Variants in DGKB observed in about 807,000 individuals in gnomAD.
DGKB encodes the protein diacylglycerol kinase beta.
DGKB carries 67 observed loss-of-function variants against 114.3 expected under a neutral mutation model. That is an observed-to-expected ratio of 0.59 (90% CI 0.48 to 0.72). DGKB has a LOEUF of 0.72. Ranked by LOEUF, DGKB falls within the 30% of genes least tolerant of loss-of-function variation. The pLI is 0.00. For synonymous variants in DGKB, 398 were observed against 323.1 expected, an observed-to-expected ratio of 1.23 and a Z score of -2.49; for missense variants, 907 against 975.2, an observed-to-expected ratio of 0.93 and a Z score of 0.93.
chr7:14,549,929 C>G (rs1424877439), intron 20 of DGKB, among the ~76,000 whole-genome samples: 1 of 151,636 alleles, frequency 6.6e-6, no homozygotes, highest in African/African-American at 2.4e-5. Flanking sequence ...GTGGAGGTTG[C>G]AGTGAGCCAA....
intron 1 of DGKB, among the ~76,000 whole-genome samples, chr7:14,912,244 G>C (rs969339754): frequency 6.6e-6 from 1 of 152,098 alleles, no homozygotes; most frequent in Non-Finnish European, 1.5e-5. Flanking sequence ...TTCATATCTA[G>C]ATCTCCAAAT....
intron 15 of DGKB, among the ~76,000 whole-genome samples, chr7:14,617,170 T>C (rs981035843): frequency 1.3e-5 from 2 of 151,732 alleles, no homozygotes; most frequent in Non-Finnish European, 3.0e-5. Flanking sequence ...AATTCATGTC[T>C]GCCTTTTCTT....
intron 1 of DGKB, among the ~76,000 whole-genome samples, chr7:14,915,180 A>T (rs1052753889): frequency 1.3e-5 from 2 of 152,140 alleles, no homozygotes; most frequent in Non-Finnish European, 2.9e-5. Context: ...CAGCCTGGGA[A>T]ATACAGCAAG....
chr7:14,579,747 T>G (rs1479340806), intron 19 of DGKB, among the ~76,000 whole-genome samples: 1 of 152,080 alleles, frequency 6.6e-6, no homozygotes, highest in African/African-American at 2.4e-5. Flanking sequence ...GGAATTATTC[T>G]CCAACTTTGC....
At chr7:14,357,029 T>A (rs1285394555) in intron 21 of DGKB, among the ~76,000 whole-genome samples, 2 of 152,300 alleles carry the variant, frequency 1.3e-5, no homozygotes, top group African/African-American at 4.8e-5. Context: ...TGTGGTCAAT[T>A]TTGGAATAAG....
At chr7:14,741,790 G>C (rs370513802) in intron 4 of DGKB, among the ~76,000 whole-genome samples, 61 of 152,152 alleles carry the variant, frequency 4.0e-4, no homozygotes, top group African/African-American at 1.4e-3. Context: ...GGTTACTGTT[G>C]GTAAAGTTCA....
chr7:14,761,610 T>A (rs1227272747), intron 2 of DGKB, among the ~76,000 whole-genome samples: 1 of 152,164 alleles, frequency 6.6e-6, no homozygotes, highest in Non-Finnish European at 1.5e-5. Flanking sequence ...ACAGAGGAAG[T>A]TATACCTGGA....
Position 14,182,223 on chromosome 7 carries a change from A to AT in DGKB, c.2123-4073dup, listed in dbSNP as rs201533539. Among the ~76,000 whole-genome samples the AT allele has an allele frequency of 2.3e-3, 355 of 151,830 alleles. 1 individual carries two copies. Among genetic ancestry groups the AT allele is most frequent in the African/African-American group, 8.1e-3 (335 of 41,456 alleles). Reference sequence around the variant, plus strand: ...AAAATAAAATAACACATTAAATTTTATTTTTTTTATTTTTATCTTATGTAA... The same window carrying AT: ...AAAATAAAATAACACATTAAATTTTATTTTTTTTTATTTTTATCTTATGTAA... On this transcript the variant is annotated intron_variant, in intron 23 of 25. Coordinates refer to ENST00000402815, the MANE Select transcript of DGKB (RefSeq NM_001350709.2).
chr7:14,525,876 A>G (rs558830010), intron 20 of DGKB, among the ~76,000 whole-genome samples: 23 of 146,768 alleles, frequency 1.6e-4, no homozygotes, highest in African/African-American at 4.9e-4. Context: ...TGTGAAGTAA[A>G]GGAACAATAT....
At chr7:14,900,225 T>C (rs1321870337) in intron 1 of DGKB, among the ~76,000 whole-genome samples, 1 of 152,154 alleles carries the variant, frequency 6.6e-6, no homozygotes, top group Non-Finnish European at 1.5e-5. Context: ...ACATAACATA[T>C]GTGACTCACT....
chr7:14,336,331 G>T (rs1006102281), intron 23 of DGKB, among the ~76,000 whole-genome samples: 4 of 151,976 alleles, frequency 2.6e-5, no homozygotes, highest in Non-Finnish European at 1.5e-5. Flanking sequence ...AGCTCAAAAG[G>T]TCATTCTTGG....
At chr7:14,273,299 T>C (rs1406837934) in intron 23 of DGKB, among the ~76,000 whole-genome samples, 3 of 152,124 alleles carry the variant, frequency 2.0e-5, no homozygotes, top group African/African-American at 7.2e-5. Flanking sequence ...TGAGCCATGA[T>C]CGTACCACTG....
At chr7:14,613,040 C>A (rs548302166) in intron 16 of DGKB, among the ~76,000 whole-genome samples, 1 of 151,994 alleles carries the variant, frequency 6.6e-6, no homozygotes, top group East Asian at 1.9e-4. Flanking sequence ...TTTAGAGAAC[C>A]AATTTTCATT....
chr7:14,663,278 A>C (rs921605305), intron 13 of DGKB, among the ~76,000 whole-genome samples: 1 of 152,008 alleles, frequency 6.6e-6, no homozygotes, highest in African/African-American at 2.4e-5. Flanking sequence ...CCTGATACTT[A>C]ACATCAATTT....
chr7:14,912,082 A>G (rs1034597258), intron 1 of DGKB, among the ~76,000 whole-genome samples: 1 of 152,146 alleles, frequency 6.6e-6, no homozygotes, highest in African/African-American at 2.4e-5. Flanking sequence ...TTTGAATACA[A>G]TTTTATTGGA....
At chr7:14,296,339 C>CT (rs1477614176) in intron 23 of DGKB, among the ~76,000 whole-genome samples, 3 of 152,010 alleles carry the variant, frequency 2.0e-5, no homozygotes, top group Admixed American at 6.6e-5. Flanking sequence ...CAAACTCATT[C>CT]TTTTTTATGG....
rs7788765 is a variant in DGKB, at chr7:14,662,439, C to T, written c.1134+10490G>A. On this transcript the variant is annotated intron_variant, in intron 13 of 25. Transcript: ENST00000402815. ...AATTAAACAACCATAAAAGCGGACT[C>T]ATTTGTAGGACAAAATAACACAGTA... 7.3e-3 allele frequency among the ~76,000 whole-genome samples: 1,114 copies of T among 151,996 alleles called. 11 individuals are homozygous for T. The highest frequency in any genetic ancestry group is 0.025 in the African/African-American group (1,048 of 41,514).
At chr7:14,217,363 T>C (rs1041758994) in intron 23 of DGKB, among the ~76,000 whole-genome samples, 32 of 152,246 alleles carry the variant, frequency 2.1e-4, no homozygotes, top group Non-Finnish European at 3.1e-4. Context: ...TGGGTTTTTT[T>C]CCTAGACTTC....
chr7:14,803,827 T>C (rs1304235791), intron 2 of DGKB, among the ~76,000 whole-genome samples: 1 of 152,096 alleles, frequency 6.6e-6, no homozygotes, highest in African/African-American at 2.4e-5. Context: ...ATATGCTTAA[T>C]ACAAATAATC....
Sources: gnomAD v4.1 joint callset for allele counts (sites outside exome capture counted in the v4.1 genomes callset) on GRCh38, gnomAD v4.1.1 for gene constraint, MANE v1.5 for transcripts, NCBI Gene and HGNC (gene_info 2026-07-23, HGNC 2026-07-21) for gene names.